Variants in ADGRV1 observed in about 807,000 individuals in gnomAD.
The protein encoded by ADGRV1 is adhesion G protein-coupled receptor V1.
A neutral mutation model predicts 596.2 loss-of-function variants in ADGRV1; 359 were observed. That is an observed-to-expected ratio of 0.60 (90% confidence interval 0.55 to 0.66). The LOEUF (loss-of-function observed/expected upper bound fraction) is 0.66. Ranked by LOEUF, ADGRV1 falls within the 30% of genes least tolerant of loss-of-function variation. The pLI is 0.00. For synonymous variants in ADGRV1, 2,681 were observed against 2,679.2 expected (o/e 1.00, Z -0.02); for missense variants, 7,274 against 7,575.6 (o/e 0.96, Z 1.48).
intron 77 of ADGRV1, among the ~76,000 whole-genome samples, chr5:90,837,975 T>C (rs567413861): frequency 2.6e-5 from 4 of 152,260 alleles, no homozygotes; most frequent in Admixed American, 2.6e-4. Flanking sequence ...TATTCTTATA[T>C]ATTATTTGGG....
intron 83 of ADGRV1, among the ~76,000 whole-genome samples, chr5:90,874,580 G>A (rs2150513858): frequency 6.6e-6 from 1 of 151,870 alleles, no homozygotes; most frequent in South Asian, 2.1e-4. Flanking sequence ...AACTGGTTAA[G>A]GCCGCGTGCG....
chr5:90,742,915 T>C (rs2149897703), intron 50 of ADGRV1, among the ~76,000 whole-genome samples: 1 of 152,290 alleles, frequency 6.6e-6, no homozygotes, highest in Middle Eastern at 3.4e-3. Flanking sequence ...ACTGTAACTT[T>C]TGTGGTGGTG....
intron 21 of ADGRV1, among the ~76,000 whole-genome samples, chr5:90,662,652 G>GCACATTGT (rs1350869104): frequency 6.7e-6 from 1 of 149,624 alleles, no homozygotes; most frequent in African/African-American, 2.5e-5. Context: ...GGGTACATGA[G>GCACATTGT]CACATTGTGC....
intron 83 of ADGRV1, among the ~76,000 whole-genome samples, chr5:90,945,810 C>G (rs1776524913): frequency 1.3e-5 from 2 of 152,026 alleles, no homozygotes; most frequent in South Asian, 2.1e-4. Flanking sequence ...AACCCTGTCT[C>G]TACAAAAAAT....
rs1271522881 is a variant in ADGRV1 at position 91,150,148 on chromosome 5, C to A, written c.18551C>A (p.Pro6184His). ...GGACCCAGCACAGCCTTTTTCACGC[C>A]CGGGAGTGGAATGCCTCCTGCTGGA... ...HPGPSTAFFT[P>H]GSGMPPAGGE... Residue 6184 changes from proline to histidine, a missense_variant, in exon 88 of 90, where the codon CCC becomes CAC. Coordinates refer to ENST00000405460, the MANE Select transcript of ADGRV1 (RefSeq NM_032119.4). 6.3e-7 allele frequency: 1 copy of A among 1,595,688 alleles called. No individual in the cohort carries two copies. The highest frequency in any genetic ancestry group is 8.5e-7 in the Non-Finnish European group (1 of 1,172,122).
intron 86 of ADGRV1, among the ~76,000 whole-genome samples, chr5:91,084,884 G>A (rs1789722631): frequency 6.6e-6 from 1 of 152,184 alleles, no homozygotes; most frequent in African/African-American, 2.4e-5. Flanking sequence ...ATACACCATG[G>A]AATACTATGC....
At chr5:91,035,423 C>G (rs1266048376) in intron 85 of ADGRV1, among the ~76,000 whole-genome samples, 1 of 152,084 alleles carries the variant, frequency 6.6e-6, no homozygotes, top group African/African-American at 2.4e-5. Flanking sequence ...TTTCCTCTTC[C>G]CCAATATATT....
chr5:91,076,984 A>G (rs1358000165), intron 86 of ADGRV1, among the ~76,000 whole-genome samples: 1 of 152,038 alleles, frequency 6.6e-6, no homozygotes, highest in Non-Finnish European at 1.5e-5. Context: ...TACATTAGGT[A>G]TTTCTTCTAT....
At chr5:90,852,119 A>G (rs10514339) in intron 79 of ADGRV1, among the ~76,000 whole-genome samples, 26,427 of 152,150 alleles carry the variant, frequency 0.17, 2,493 homozygotes, top group African/African-American at 0.24. Flanking sequence ...AATAGGAGAC[A>G]TGGACAAAGG....
At chr5:90,924,552 G>C (rs1275930037) in intron 83 of ADGRV1, among the ~76,000 whole-genome samples, 1 of 151,112 alleles carries the variant, frequency 6.6e-6, no homozygotes, top group Admixed American at 6.6e-5. Context: ...AGATGAGTAG[G>C]TTGTGAAAAT....
intron 85 of ADGRV1, among the ~76,000 whole-genome samples, chr5:91,035,861 T>TATTATATATATATATATATATATATA: frequency 1.9e-4 from 18 of 96,394 alleles, no homozygotes; most frequent in African/African-American, 5.7e-4. Context: ...TATATATATA[T>TATTATATATATATATATATATATATA]TATATATATA....
Position 90,853,465 on chromosome 5 carries a change from C to A in ADGRV1, c.17386C>A (p.Gln5796Lys). 6.2e-7 allele frequency: 1 copy of A among 1,612,576 alleles called. No individual in the cohort carries two copies. Among genetic ancestry groups the A allele is most frequent in the Non-Finnish European group, 8.5e-7 (1 of 1,178,852 alleles). Residue 5796 changes from glutamine (Q) to lysine (K), a missense_variant, in exon 80 of 90, where the codon CAG becomes AAG. Gln to Lys is a moderately conservative substitution (Grantham distance 53, BLOSUM62 1). Around this residue, in one of 5 missense-constraint regions of ADGRV1, gnomAD observed 1,874 missense variants for 1,970.2 expected, o/e 0.95. Coordinates refer to ENST00000405460, the MANE Select transcript of ADGRV1 (RefSeq NM_032119.4). ...TGGGAAAAGTACATGTAAATTAGTC[C>A]AGTTTACAGAGTATAGCAGCCAACA... The part of the protein sequence containing the change: ...MAGKSTCKLV[Q>K]FTEYSSQQWF...
chr5:91,132,248 CTATT>C (rs1794281178), intron 87 of ADGRV1, among the ~76,000 whole-genome samples: 1 of 152,064 alleles, frequency 6.6e-6, no homozygotes, highest in South Asian at 2.1e-4. Flanking sequence ...TTTATTTTAA[CTATT>C]TATATTAAAA....
intron 45 of ADGRV1, among the ~76,000 whole-genome samples, chr5:90,722,716 C>CAAAAAAAAAAAAAAAAAAAA (rs55761821): frequency 3.0e-5 from 1 of 32,874 alleles, no homozygotes; most frequent in African/African-American, 1.2e-4. Flanking sequence ...AACTCCGTCT[C>CAAAAAAAAAAAAAAAAAAAA]AAAAAAAAAA....
intron 83 of ADGRV1, among the ~76,000 whole-genome samples, chr5:90,913,661 C>A (rs1773096424): frequency 6.6e-6 from 1 of 151,948 alleles, no homozygotes; most frequent in African/African-American, 2.4e-5. Context: ...AGTCATAGGC[C>A]TAGTTTATCA....
At chr5:91,061,744 T>G (rs1787449495) in intron 85 of ADGRV1, among the ~76,000 whole-genome samples, 1 of 152,242 alleles carries the variant, frequency 6.6e-6, no homozygotes, top group Non-Finnish European at 1.5e-5. Context: ...TTGGCATTTT[T>G]TGAGGGATTT....
chr5:90,757,197 T>C (rs1455797192), intron 57 of ADGRV1, 36 bp downstream of exon 57: 1 of 1,579,168 alleles, frequency 6.3e-7, no homozygotes. Flanking sequence ...CTTTTTGAGT[T>C]GTGCTTCAGA....
intron 83 of ADGRV1, among the ~76,000 whole-genome samples, chr5:90,916,097 C>T (rs1483196996): frequency 6.6e-6 from 1 of 151,714 alleles, no homozygotes; most frequent in Non-Finnish European, 1.5e-5. Context: ...TATTTGGATG[C>T]AAGATGTCAT....
chr5:90,989,474 T>A (rs901550042), intron 85 of ADGRV1, among the ~76,000 whole-genome samples: 5 of 152,204 alleles, frequency 3.3e-5, no homozygotes, highest in African/African-American at 7.2e-5. Context: ...ATGTTTGTTT[T>A]CCTAATCCAG....
Sources: allele counts gnomAD v4.1 joint callset (sites outside exome capture counted in the v4.1 genomes callset), GRCh38; gene constraint gnomAD v4.1.1; regional missense constraint gnomAD v4.1.1; transcripts MANE v1.5; gene names NCBI Gene and HGNC (gene_info 2026-07-23, HGNC 2026-07-21).